The following DDX54 variants were observed in gnomAD, a reference collection of about 807,000 sequenced individuals.
DDX54 encodes the protein ATP-dependent RNA helicase DDX54.
In DDX54, 67 loss-of-function variants were observed where a neutral mutation model predicts 105.5. The ratio of observed to expected loss-of-function variants is 0.64; its 90% CI spans 0.52 to 0.78. The LOEUF is 0.78. Ranked by LOEUF, DDX54 falls within the 30% of genes least tolerant of loss-of-function variation. DDX54 has a pLI of 0.00. For missense variants in DDX54, 1,206 were observed against 1,230.5 expected (o/e 0.98, Z 0.30); for synonymous variants, 514 against 509.9 (o/e 1.01, Z -0.11).
At chr12:113,176,987 A>C (rs761410473) in intron 6 of DDX54, 52 bp from the exon 7 acceptor site, 1 of 1,613,672 alleles carries the variant, frequency 6.2e-7, no homozygotes, top group Admixed American at 1.7e-5. Context: ...CCACCACCAC[A>C]GTTCTCTTAC....
rs766592096 is a variant in DDX54 at position 113,185,336 on chromosome 12, C to G, written c.116G>C (p.Ser39Thr). 3.2e-6 allele frequency: 5 copies of G among 1,586,608 alleles called. No individual in the cohort carries two copies. In the South Asian group the frequency reaches 3.4e-5, roughly 11 times the overall value. ...CTCAAACTCGCCGTCCTCCGAGTCG[C>G]TGCCGCGGGCCTGGGAGGCCGCGCC... is the stretch of plus-strand genomic sequence containing the variant. ...RRGAASQARGSDSEDGEFEIQ... is the reference protein window; with the variant it reads ...RRGAASQARGTDSEDGEFEIQ... Residue 39 changes from serine to threonine, a missense_variant, in exon 1 of 20, where the codon AGC (serine) becomes ACC (threonine). Transcript: ENST00000306014.
chr12:113,179,598 T>C (rs1952442177), intron 3 of DDX54, among the ~76,000 whole-genome samples: 1 of 152,190 alleles, frequency 6.6e-6, no homozygotes, highest in Admixed American at 6.5e-5. Context: ...CTAGTCCTCC[T>C]CCTCAGAACC....
At chr12:113,171,282 G>A (rs116967492) in intron 11 of DDX54, among the ~76,000 whole-genome samples, 202 of 152,244 alleles carry the variant, frequency 1.3e-3, no homozygotes, top group Non-Finnish European at 2.4e-3. Context: ...TTTGTCTGAC[G>A]GATAGAGCTT....
rs1214242192 is a variant in DDX54, at chr12:113,185,359, G to A, written c.93C>T (p.Gly31=). The change falls in exon 1 of 20, where the codon GGC becomes GGT. Residue 31 remains glycine, a synonymous_variant. Transcript: ENST00000306014. ...CGCTGCCGCGGGCCTGGGAGGCCGC[G>A]CCTCGGCGCTTCCGGAGCCCTTTCT... The part of the protein sequence containing the change: ...RKKKGLRKRR[G]AASQARGSDS... The A allele has an allele frequency of 1.9e-6, 3 of 1,583,660 alleles. No individual in the cohort carries two copies. The highest frequency in any genetic ancestry group is 1.1e-5 in the South Asian group (1 of 86,958).
At chr12:113,173,116 A>G (rs891473134) in intron 10 of DDX54, among the ~76,000 whole-genome samples, 2 of 152,196 alleles carry the variant, frequency 1.3e-5, no homozygotes, top group Non-Finnish European at 2.9e-5. Flanking sequence ...AAGGCTGGAA[A>G]ATCACTTGAG....
rs141867029 is a variant in DDX54 at position 113,161,367 on chromosome 12, T to A, written c.2316A>T (p.Lys772Asn). Residue 772 changes from lysine to asparagine, a missense_variant, in exon 19 of 20, where the codon AAA becomes AAT. Around this residue, in one of 3 missense-constraint regions of DDX54, gnomAD observed 961 missense variants for 1,019.1 expected, o/e 0.94. Coordinates refer to ENST00000306014, the MANE Select transcript of DDX54 (RefSeq NM_024072.4). ...CACGATCATCAATTTTCTGTTTCTG[T>A]TTCCACTTCTGATAGCTGGGAAACC... The part of the protein sequence containing the change: ...SYKRDLYQKW[K>N]QKQKIDDRDS... 7.3e-5 allele frequency: 118 copies of A among 1,612,772 alleles called. No homozygotes were observed. Among genetic ancestry groups the A allele is most frequent in the Admixed American group, 1.7e-4 (10 of 59,914 alleles).
In DDX54 at chr12:113,176,731, G is replaced by C. The variant is rs550917322; in HGVS notation, c.752+109C>G. The C allele has an allele frequency of 1.6e-5, 19 of 1,205,790 alleles. No individual in the cohort carries two copies. In the African/African-American group the frequency reaches 2.2e-4, roughly 14 times the overall value. The allele number at this position is 1,205,790 out of a possible 1,614,324, so 74.7% of individuals were successfully genotyped here. A position where few individuals can be genotyped will look rare whatever the true frequency, so the allele number is the denominator to read the frequency against. On this transcript the variant is annotated intron_variant, in intron 7 of 19. Coordinates refer to ENST00000306014, the MANE Select transcript of DDX54 (RefSeq NM_024072.4). Reference sequence around the variant, plus strand: ...CCCACATCTGGGAAGACACTGCTTCGATCTCAGCCACACAGGGCTCTCCTG... The same window carrying C: ...CCCACATCTGGGAAGACACTGCTTCCATCTCAGCCACACAGGGCTCTCCTG...
chr12:113,179,429 T>C, intron 3 of DDX54, 98 bp from the exon 4 acceptor site: 2 of 1,349,644 alleles, frequency 1.5e-6, no homozygotes, highest in Non-Finnish European at 2.0e-6. Flanking sequence ...GCTATAGATC[T>C]CAGTGAATGG....
rs374685656 is a variant in DDX54, at chr12:113,163,091, C to A, written c.2081+41G>T. On this transcript the variant is annotated intron_variant, in intron 16 of 19. Transcript: ENST00000306014. The surrounding 1 kb of genome is among the most constrained non-coding windows in gnomAD (Gnocchi z 5.9). ...ACATAATTGGATTGATGGGACCCAGCGGACCCAACTGCCCCACCCAGGACC... is the reference window on the plus strand; with the variant it reads ...ACATAATTGGATTGATGGGACCCAGAGGACCCAACTGCCCCACCCAGGACC... The A allele has an allele frequency of 1.9e-6, 3 of 1,609,762 alleles. No individual in the cohort carries two copies. Among genetic ancestry groups the A allele is most frequent in the African/African-American group, 1.3e-5 (1 of 75,002 alleles).
intron 7 of DDX54, among the ~76,000 whole-genome samples, chr12:113,175,642 A>G (rs1290566588): frequency 6.6e-6 from 1 of 152,114 alleles, no homozygotes; most frequent in Non-Finnish European, 1.5e-5. Context: ...CAAAAAAATT[A>G]GCCGGGCGTG....
intron 7 of DDX54, 47 bp downstream of exon 7, chr12:113,176,792 CT>C: frequency 6.2e-7 from 1 of 1,601,106 alleles, no homozygotes; most frequent in Non-Finnish European, 8.5e-7. Flanking sequence ...TCTGCCTCTG[CT>C]TTCCCAGTTC....
Position 113,161,334 on chromosome 12 carries a change from G to A in DDX54, c.2349C>T (p.Asp783=). ...CTCGCCGGTCAGATGCCCCTTCTTC[G>A]TCCGAGTCACGATCATCAATTTTCT... ...QKQKIDDRDS[D]EEGASDRRGP... is the part of the protein sequence containing the mutation. The change falls in exon 19 of 20, where the codon GAC becomes GAT. Residue 783 remains aspartate (D), a synonymous_variant. Coordinates refer to ENST00000306014, the MANE Select transcript of DDX54 (RefSeq NM_024072.4). The A allele has an allele frequency of 1.2e-6, 2 of 1,613,306 alleles. No homozygotes were observed.
chr12:113,174,616 C>A, intron 10 of DDX54, 24 bp downstream of exon 10: 1 of 1,605,552 alleles, frequency 6.2e-7, no homozygotes, highest in South Asian at 1.1e-5. Flanking sequence ...AGGAGGTGCT[C>A]CTCCCACTCA....
Position 113,180,961 on chromosome 12 carries a change from T to G in DDX54, c.272A>C (p.Lys91Thr). 1.2e-6 allele frequency: 2 copies of G among 1,613,848 alleles called. No homozygotes were observed. Among genetic ancestry groups the G allele is most frequent in the Non-Finnish European group, 1.7e-6 (2 of 1,179,860 alleles). ...CTGGAAGCCTCCAGACTTCTTCTTC[T>G]TCTTGTTCTGGGCACGCACCATCTC... Reference protein sequence around the residue: ...TREMVRAQNKKKKKSGGFQSM... With the variant: ...TREMVRAQNKTKKKSGGFQSM... Residue 91 changes from lysine to threonine, a missense_variant, in exon 2 of 20, where the codon AAG becomes ACG. By Grantham distance (78) the Lys-to-Thr change is moderately conservative (BLOSUM62 -1). Around this residue, in one of 3 missense-constraint regions of DDX54, gnomAD observed 212 missense variants for 155.4 expected, o/e 1.36. Transcript: ENST00000306014.
At chr12:113,176,043 G>T (rs889959652) in intron 7 of DDX54, among the ~76,000 whole-genome samples, 77 of 150,800 alleles carry the variant, frequency 5.1e-4, no homozygotes, top group African/African-American at 1.7e-3. Flanking sequence ...CTCTGCCAGG[G>T]AGGGTTCCAA....
rs769860742 is a variant in DDX54 at position 113,163,032 on chromosome 12, C to T, written c.2095G>A (p.Gly699Arg). The change falls in exon 17 of 20, where the codon GGG (glycine) becomes AGG (arginine). Residue 699 changes from glycine to arginine, a missense_variant. Physicochemically the swap from Gly to Arg is moderately radical, Grantham distance 125. This residue lies in a region of DDX54 where 961 missense variants were observed against 1,019.1 expected (regional missense o/e 0.94). Transcript: ENST00000306014. The surrounding 1 kb of genome is among the most constrained non-coding windows in gnomAD (Gnocchi z 5.9). ...FDSERGLSIS[G>R]EGGAFEQQAA... ...TGCTGCTCAAAGGCTCCCCCTTCCC[C>T]GCTGATGCTCAGGCTGCAGAGGGAG... 1.1e-5 allele frequency: 18 copies of T among 1,608,978 alleles called. No individual in the cohort carries two copies. In the Admixed American group the frequency reaches 1.5e-4, roughly 13 times the overall value.
intron 11 of DDX54, among the ~76,000 whole-genome samples, chr12:113,171,151 T>A (rs1952333443): frequency 6.6e-6 from 1 of 152,034 alleles, no homozygotes. Context: ...CAACAGAAAC[T>A]AGGGGACAGC....
chr12:113,170,216 A>T (rs1303133074), intron 11 of DDX54, among the ~76,000 whole-genome samples: 1 of 152,170 alleles, frequency 6.6e-6, no homozygotes, highest in Non-Finnish European at 1.5e-5. Flanking sequence ...ACACACAAGG[A>T]GGTTTAGTGT....
At chr12:113,177,149 C>T (rs2136324329) in intron 5 of DDX54, 56 bp from the exon 6 acceptor site, 1 of 1,594,052 alleles carries the variant, frequency 6.3e-7, no homozygotes, top group Non-Finnish European at 8.6e-7. Context: ...GTTTCCCTTC[C>T]CATAACCAAA....
Sources: allele counts gnomAD v4.1 joint callset (sites outside exome capture counted in the v4.1 genomes callset), GRCh38; gene constraint gnomAD v4.1.1; regional missense constraint gnomAD v4.1.1; non-coding constraint Gnocchi (gnomAD v3.1); transcripts MANE v1.5; gene names NCBI Gene and HGNC (gene_info 2026-07-23, HGNC 2026-07-21).